The following ZNF516 variants were observed in gnomAD, a reference collection of about 807,000 sequenced individuals.
ZNF516 encodes the protein zinc finger protein 516.
In ZNF516, 19 loss-of-function variants were observed where a neutral mutation model predicts 79.7. That is an observed-to-expected ratio of 0.24 (90% CI 0.17 to 0.35). ZNF516 has a LOEUF of 0.35. Among genes scored for constraint, ZNF516 ranks in the 10% least tolerant of loss-of-function variants. ZNF516 has a pLI of 1.00. For synonymous variants in ZNF516, 877 were observed against 739.5 expected (o/e 1.19, Z -3.02); for missense variants, 1,678 against 1,679.5 (o/e 1.00, Z 0.02).
intron 3 of ZNF516, among the ~76,000 whole-genome samples, chr18:76,422,125 T>G (rs1599061873): frequency 6.6e-6 from 1 of 152,208 alleles, no homozygotes; most frequent in East Asian, 1.9e-4. Flanking sequence ...CAATTGGAAT[T>G]TGGTAGAGTT....
At chr18:76,371,052 G>A (rs991629759) in intron 5 of ZNF516, among the ~76,000 whole-genome samples, 1 of 152,208 alleles carries the variant, frequency 6.6e-6, no homozygotes, top group African/African-American at 2.4e-5. Flanking sequence ...AGTACATCCT[G>A]CATGGTCCAA....
At position 76,360,812 on chromosome 18, in the gene ZNF516, T is replaced by C. The variant is rs2074524991; in HGVS notation, c.*1686A>G. 7.0e-6 allele frequency: 1 copy of C among 143,836 alleles called. No individual in the cohort carries two copies. The highest frequency in any genetic ancestry group is 2.0e-4 in the East Asian group (1 of 5,124). The allele number at this position is 143,836 out of a possible 1,614,324, so 8.9% of individuals were successfully genotyped here. The stretch of plus-strand genomic sequence containing the variant: ...ACAATAACAATAATAATAATAATAA[T>C]AATAATAATATAATAATATTCAACA... On this transcript the variant is annotated 3_prime_UTR_variant, in exon 7 of 7. Transcript: ENST00000443185.
chr18:76,428,250 G>A (rs375346189), intron 3 of ZNF516, among the ~76,000 whole-genome samples: 51 of 151,984 alleles, frequency 3.4e-4, no homozygotes, highest in Admixed American at 1.1e-3. Context: ...AAAATTAGCC[G>A]GGCATGGTGG....
intron 4 of ZNF516, among the ~76,000 whole-genome samples, chr18:76,375,259 C>T (rs2074767976): frequency 6.6e-6 from 1 of 152,186 alleles, no homozygotes; most frequent in South Asian, 2.1e-4. Context: ...TGCGGAAGGT[C>T]CCAGAGACCA....
chr18:76,477,766 CAAAA>C (rs1323701883), intron 1 of ZNF516, among the ~76,000 whole-genome samples: 2 of 151,884 alleles, frequency 1.3e-5, no homozygotes, highest in Non-Finnish European at 2.9e-5. Context: ...ACAAACAACA[CAAAA>C]AAACCTGCTG....
At chr18:76,421,867 C>T (rs1005306914) in intron 3 of ZNF516, among the ~76,000 whole-genome samples, 4 of 152,302 alleles carry the variant, frequency 2.6e-5, no homozygotes, top group South Asian at 4.1e-4. Flanking sequence ...AATCACACAG[C>T]GGGCCGGGTC....
chr18:76,417,300 G>A (rs886552955), intron 3 of ZNF516, among the ~76,000 whole-genome samples: 5 of 152,058 alleles, frequency 3.3e-5, no homozygotes, highest in African/African-American at 4.8e-5. Flanking sequence ...CACTCCTCCC[G>A]GCTCTTTCAA....
chr18:76,481,106 A>T (rs988068797), intron 1 of ZNF516, among the ~76,000 whole-genome samples: 1 of 152,190 alleles, frequency 6.6e-6, no homozygotes, highest in Admixed American at 6.5e-5. Context: ...CTTCATGGGA[A>T]CTGCACAGGA....
At chr18:76,478,809 A>G (rs1914324583) in intron 1 of ZNF516, among the ~76,000 whole-genome samples, 1 of 152,126 alleles carries the variant, frequency 6.6e-6, no homozygotes, top group African/African-American at 2.4e-5. Context: ...TAATCCCGGC[A>G]CTGTAAGAGG....
At chr18:76,463,327 T>A (rs1259066867) in intron 1 of ZNF516, among the ~76,000 whole-genome samples, 186 bp from the exon 2 acceptor site, 2 of 152,206 alleles carry the variant, frequency 1.3e-5, no homozygotes, top group African/African-American at 4.8e-5. Flanking sequence ...TGGTTTCTAA[T>A]AGGACTTCCC....
At position 76,442,482 on chromosome 18, in the gene ZNF516, C is replaced by A; in HGVS notation, c.573G>T (p.Leu191=). ...SQFERKKDLE[L]HVHQAHKPFK... is the part of the protein sequence containing the mutation. ...ACGGCTTGTGCGCCTGGTGCACGTG[C>A]AGCTCCAGGTCCTTCTTACGCTCGA... Residue 191 remains leucine, a synonymous_variant, in exon 3 of 7, where the codon CTG becomes CTT. Transcript: ENST00000443185. 6.2e-7 allele frequency: 1 copy of A among 1,603,646 alleles called. No homozygotes were observed. Among genetic ancestry groups the A allele is most frequent in the Non-Finnish European group, 8.5e-7 (1 of 1,179,642 alleles).
chr18:76,404,502 T>C (rs561620104), intron 3 of ZNF516, among the ~76,000 whole-genome samples: 1 of 143,992 alleles, frequency 6.9e-6, no homozygotes, highest in African/African-American at 2.9e-5. Flanking sequence ...TGTGTGCATG[T>C]GTGTGCATGT....
At chr18:76,389,822 C>T (rs1363217004) in intron 3 of ZNF516, among the ~76,000 whole-genome samples, 1 of 152,182 alleles carries the variant, frequency 6.6e-6, no homozygotes, top group Non-Finnish European at 1.5e-5. Flanking sequence ...TCACTGCCCG[C>T]AACCCTGGGA....
intron 6 of ZNF516, among the ~76,000 whole-genome samples, chr18:76,365,888 G>A (rs1394270489): frequency 2.0e-5 from 3 of 152,170 alleles, no homozygotes; most frequent in African/African-American, 7.2e-5. Context: ...CAGCCTACGG[G>A]AAGCCCTGTT....
intron 3 of ZNF516, among the ~76,000 whole-genome samples, chr18:76,419,270 G>T (rs570051424): frequency 4.6e-5 from 7 of 152,316 alleles, no homozygotes; most frequent in African/African-American, 1.7e-4. Context: ...GTATCTTCCA[G>T]ATGTGTTAGG....
rs1555720250 is a variant in ZNF516 at position 76,480,529 on chromosome 18, AT to A, written c.-272+14614del. 1.5e-3 allele frequency among the ~76,000 whole-genome samples: 208 copies of A among 142,076 alleles called. 2 individuals carry two copies. Among genetic ancestry groups the A allele is most frequent in the Middle Eastern group, 7.3e-3 (2 of 274 alleles). 93.2% of individuals were successfully genotyped at this position (142,076 alleles called of 152,430 possible). A position where few individuals can be genotyped will look rare whatever the true frequency, so the allele number is the denominator to read the frequency against. On this transcript the variant is annotated intron_variant, in intron 1 of 6. Coordinates refer to ENST00000443185, the MANE Select transcript of ZNF516 (RefSeq NM_014643.4). The stretch of plus-strand genomic sequence containing the variant: ...CACACACACACACACACACACATAT[AT>A]TTTTTTTTTTGAGACGGAGTCTTGC...
intron 3 of ZNF516, among the ~76,000 whole-genome samples, chr18:76,437,858 G>A (rs2075764337): frequency 6.6e-6 from 1 of 152,182 alleles, no homozygotes; most frequent in Non-Finnish European, 1.5e-5. Flanking sequence ...TGAATCCAAA[G>A]ATGTGGAATC....
intron 3 of ZNF516, among the ~76,000 whole-genome samples, chr18:76,395,830 G>A (rs1388060529): frequency 6.6e-6 from 1 of 152,226 alleles, no homozygotes; most frequent in South Asian, 2.1e-4. Context: ...CCGGCCGTGA[G>A]GGTGGGCCAG....
chr18:76,461,875 A>T (rs928335544), intron 2 of ZNF516, among the ~76,000 whole-genome samples: 9 of 152,156 alleles, frequency 5.9e-5, no homozygotes. Flanking sequence ...CAGGCGAGAA[A>T]CCCTGGGCAG....
Sources: allele counts gnomAD v4.1 joint callset (sites outside exome capture counted in the v4.1 genomes callset), GRCh38; gene constraint gnomAD v4.1.1; transcripts MANE v1.5; gene names NCBI Gene and HGNC (gene_info 2026-07-23, HGNC 2026-07-21).